Variants in SNX29 observed in about 807,000 individuals in gnomAD.
The protein encoded by SNX29 is sorting nexin-29.
In SNX29, 78 loss-of-function variants were observed where a neutral mutation model predicts 102.1. The ratio of observed to expected loss-of-function variants is 0.76; its 90% CI spans 0.64 to 0.92. The LOEUF (loss-of-function observed/expected upper bound fraction) is 0.92, where lower values mean the gene tolerates loss of function less well. Among genes scored for constraint, SNX29 ranks in the 40% least tolerant of loss-of-function variants. The probability of loss-of-function intolerance (pLI) is 0.00; values close to 1 mark genes in which losing one functional copy is unlikely to be tolerated. For synonymous variants in SNX29, 580 were observed against 414.5 expected, an observed-to-expected ratio of 1.40 and a Z score of -4.85; for missense variants, 1,280 against 1,061.7, an observed-to-expected ratio of 1.21 and a Z score of -2.86.
chr16:12,513,611 C>T (rs928122612), intron 19 of SNX29, among the ~76,000 whole-genome samples: 15 of 152,322 alleles, frequency 9.8e-5, no homozygotes, highest in East Asian at 5.8e-4. Context: ...CTCTCAGCCA[C>T]GCCGTTGCCC....
At chr16:12,468,038 C>T (rs1365115440) in intron 18 of SNX29, among the ~76,000 whole-genome samples, 3 of 152,092 alleles carry the variant, frequency 2.0e-5, no homozygotes, top group Non-Finnish European at 2.9e-5. Flanking sequence ...TTGGATCCCT[C>T]GTCCTCCCTG....
In SNX29 at chr16:12,512,351, C is replaced by T. The variant is rs1407921068; in HGVS notation, c.2179-12351C>T. Among the ~76,000 whole-genome samples the T allele has an allele frequency of 9.5e-5, 12 of 126,954 alleles. No individual in the cohort carries two copies. In the East Asian group the frequency reaches 2.5e-3, roughly 26 times the overall value. 83.3% of individuals were successfully genotyped at this position (126,954 alleles called of 152,430 possible). A position where few individuals can be genotyped will look rare whatever the true frequency, so the allele number is the denominator to read the frequency against. Reference sequence around the variant, plus strand: ...TCTCCCCATCACTGTTTACGTCCATCATGGAAGGCCCAGGGAAAATATATA... The same window carrying T: ...TCTCCCCATCACTGTTTACGTCCATTATGGAAGGCCCAGGGAAAATATATA... On this transcript the variant is annotated intron_variant, in intron 19 of 20. Coordinates refer to ENST00000566228, the MANE Select transcript of SNX29 (RefSeq NM_032167.5).
At chr16:12,233,427 G>C (rs2077830168) in intron 14 of SNX29, among the ~76,000 whole-genome samples, 1 of 151,234 alleles carries the variant, frequency 6.6e-6, no homozygotes, top group Admixed American at 6.6e-5. Flanking sequence ...ATAGACACTG[G>C]GGGCTACAAG....
At chr16:12,073,740 G>A (rs1275341587) in intron 10 of SNX29, among the ~76,000 whole-genome samples, 5 of 152,042 alleles carry the variant, frequency 3.3e-5, no homozygotes, top group African/African-American at 4.8e-5. Context: ...TTTCTGTCTC[G>A]TTGATCTGTC....
chr16:12,544,003 C>G (rs1266283163), intron 20 of SNX29, among the ~76,000 whole-genome samples: 1 of 152,208 alleles, frequency 6.6e-6, no homozygotes, highest in African/African-American at 2.4e-5. Flanking sequence ...GGGTTAAATG[C>G]AAAAGCCCTG....
chr16:12,572,183 A>T lies in SNX29; in HGVS notation c.*3554A>T. ...TTTGATAACCATGTAATTTCTTAGA[A>T]CCATGGCAGGTAGTATTGTGCTTTA... On this transcript the variant is annotated 3_prime_UTR_variant, in exon 21 of 21. Coordinates refer to ENST00000566228, the MANE Select transcript of SNX29 (RefSeq NM_032167.5). The T allele has an allele frequency of 2.1e-6, 2 of 970,944 alleles. No homozygotes were observed. Among genetic ancestry groups the T allele is most frequent in the South Asian group, 1.0e-4 (2 of 20,056 alleles). The allele number at this position is 970,944 out of a possible 1,614,324, so 60.1% of individuals were successfully genotyped here.
At position 12,042,983 on chromosome 16, in the gene SNX29, G is replaced by C. The variant is rs556690179; in HGVS notation, c.334G>C (p.Val112Leu). The change falls in exon 5 of 21, where the codon GTG becomes CTG. Residue 112 changes from valine to leucine, a missense_variant. Val to Leu is a conservative substitution (Grantham distance 32, BLOSUM62 1). Transcript: ENST00000566228. ...CTCCCTGCGCCACATCGCCTCAGAC[G>C]TGGGCCGGGGTCGCGCCTGGCTGCG... Reference protein sequence around the residue: ...FYSLRHIASDVGRGRAWLRCA... With the variant: ...FYSLRHIASDLGRGRAWLRCA... 1 of 1,613,694 alleles carries C rather than the reference G, an allele frequency of 6.2e-7. No homozygotes were observed. The highest frequency in any genetic ancestry group is 2.2e-5 in the East Asian group (1 of 44,902).
At chr16:12,507,709 A>G (rs992970649) in intron 19 of SNX29, among the ~76,000 whole-genome samples, 6 of 152,194 alleles carry the variant, frequency 3.9e-5, no homozygotes, top group Non-Finnish European at 5.9e-5. Flanking sequence ...TCTTATGAGA[A>G]AACTCCAGAA....
chr16:12,536,679 T>G (rs2077092513), intron 20 of SNX29, among the ~76,000 whole-genome samples: 1 of 152,134 alleles, frequency 6.6e-6, no homozygotes, highest in Non-Finnish European at 1.5e-5. Flanking sequence ...AGAGCTGGTA[T>G]TAAGAGGTGT....
intron 1 of SNX29, among the ~76,000 whole-genome samples, chr16:11,988,680 G>A (rs1471184145): frequency 1.3e-5 from 2 of 152,134 alleles, no homozygotes; most frequent in African/African-American, 4.8e-5. Context: ...GACTACGGGT[G>A]TGAGCCACCA....
At position 12,528,452 on chromosome 16, in the gene SNX29, G is replaced by A. The variant is rs369392743; in HGVS notation, c.2318+3611G>A. Among the ~76,000 whole-genome samples, 3 of 152,150 alleles carry A rather than the reference G, an allele frequency of 2.0e-5. No individual in the cohort carries two copies. The East Asian group carries it at 5.8e-4, about 29-fold the overall frequency. On this transcript the variant is annotated intron_variant, in intron 20 of 20. Coordinates refer to ENST00000566228, the MANE Select transcript of SNX29 (RefSeq NM_032167.5). ...TGACCTCAGGTGATCCGCGTACCTC[G>A]ACCTCCGAAAGTGCTGCAATTACAG...
intron 13 of SNX29, among the ~76,000 whole-genome samples, chr16:12,176,541 A>C (rs1466621304): frequency 1.3e-5 from 2 of 152,216 alleles, no homozygotes; most frequent in Non-Finnish European, 2.9e-5. Flanking sequence ...ATAAAAATCC[A>C]AAATAGTATA....
intron 14 of SNX29, among the ~76,000 whole-genome samples, chr16:12,270,317 TGGG>T (rs898309503): frequency 9.2e-5 from 14 of 152,190 alleles, no homozygotes; most frequent in African/African-American, 3.4e-4. Flanking sequence ...ATTGGTTTAT[TGGG>T]GGGATGTGCA....
At chr16:12,411,259 T>C (rs1223689281) in intron 18 of SNX29, among the ~76,000 whole-genome samples, 1 of 152,180 alleles carries the variant, frequency 6.6e-6, no homozygotes, top group African/African-American at 2.4e-5. Flanking sequence ...AGCCGTTTGC[T>C]GTTTGATTTG....
At chr16:12,524,178 G>A (rs139649858) in intron 19 of SNX29, among the ~76,000 whole-genome samples, 138 of 152,238 alleles carry the variant, frequency 9.1e-4, no homozygotes, top group African/African-American at 2.9e-3. Flanking sequence ...AAGAGAATAC[G>A]GAAATTGTTT....
At chr16:12,403,254 GT>G (rs199883213) in intron 17 of SNX29, among the ~76,000 whole-genome samples, 193 bp from the exon 18 acceptor site, 20,776 of 120,268 alleles carry the variant, frequency 0.17, 1,605 homozygotes, top group East Asian at 0.21. Flanking sequence ...GTGTGTGTGT[GT>G]AGAGAGAGAC....
intron 15 of SNX29, among the ~76,000 whole-genome samples, chr16:12,308,324 A>G (rs2080411173): frequency 1.3e-5 from 2 of 152,174 alleles, no homozygotes; most frequent in African/African-American, 2.4e-5. Flanking sequence ...CTGATTGTCC[A>G]GTAATGTGAA....
At chr16:12,037,623 G>GT (rs2057512672) in intron 4 of SNX29, among the ~76,000 whole-genome samples, 1 of 152,128 alleles carries the variant, frequency 6.6e-6, no homozygotes, top group Non-Finnish European at 1.5e-5. Flanking sequence ...AGTGGAATGT[G>GT]TTTCCCGTAG....
chr16:12,540,456 T>G (rs960519983), intron 20 of SNX29, among the ~76,000 whole-genome samples: 2 of 152,254 alleles, frequency 1.3e-5, no homozygotes, highest in African/African-American at 2.4e-5. Context: ...AAGTCCGAGA[T>G]CCGTCTTACT....
Sources: gnomAD v4.1 joint callset for allele counts (sites outside exome capture counted in the v4.1 genomes callset) on GRCh38, gnomAD v4.1.1 for gene constraint, MANE v1.5 for transcripts, NCBI Gene and HGNC (gene_info 2026-07-23, HGNC 2026-07-21) for gene names.